Variants in GPC6 observed in about 807,000 individuals in gnomAD.
The protein encoded by GPC6 is glypican 6.
In GPC6, 14 loss-of-function variants were observed where a neutral mutation model predicts 55.2. The ratio of observed to expected loss-of-function variants is 0.25; its 90% CI spans 0.17 to 0.40. The LOEUF (loss-of-function observed/expected upper bound fraction) is 0.40. Ranked by LOEUF, GPC6 falls within the 10% of genes least tolerant of loss-of-function variation. The pLI, the probability that GPC6 is intolerant of heterozygous loss-of-function variation, is 1.00. For missense variants in GPC6, 641 were observed against 708.5 expected, an observed-to-expected ratio of 0.90 and a Z score of 1.08; for synonymous variants, 278 against 259.6, an observed-to-expected ratio of 1.07 and a Z score of -0.68.
At chr13:94,179,078 C>T (rs761689247) in intron 4 of GPC6, among the ~76,000 whole-genome samples, 1 of 152,124 alleles carries the variant, frequency 6.6e-6, no homozygotes, top group African/African-American at 2.4e-5. Context: ...TGGCTCAGAT[C>T]GTCTCGTTTC....
chr13:93,908,658 C>T (rs1594578680), intron 3 of GPC6, among the ~76,000 whole-genome samples: 1 of 152,128 alleles, frequency 6.6e-6, no homozygotes, highest in Non-Finnish European at 1.5e-5. Context: ...TTTGACTTAC[C>T]TAACTCATTT....
At chr13:93,676,170 C>T (rs9524166) in intron 2 of GPC6, among the ~76,000 whole-genome samples, 41 of 95,612 alleles carry the variant, frequency 4.3e-4, no homozygotes, top group African/African-American at 1.7e-3. Flanking sequence ...TATATATATA[C>T]ATACACACAC....
chr13:94,234,787 T>C (rs1890828902), intron 4 of GPC6, among the ~76,000 whole-genome samples: 1 of 152,140 alleles, frequency 6.6e-6, no homozygotes, highest in Non-Finnish European at 1.5e-5. Flanking sequence ...AAAAGCTGTG[T>C]GTTTTAAAAG....
At chr13:93,766,989 T>C (rs956377059) in intron 2 of GPC6, among the ~76,000 whole-genome samples, 24 of 151,922 alleles carry the variant, frequency 1.6e-4, no homozygotes, top group Non-Finnish European at 1.2e-4. Flanking sequence ...TTTTTTTTTT[T>C]CCCCCGCGGT....
chr13:94,006,922 A>G (rs1882042791), intron 3 of GPC6, among the ~76,000 whole-genome samples: 1 of 152,222 alleles, frequency 6.6e-6, no homozygotes, highest in African/African-American at 2.4e-5. Flanking sequence ...TTATGTTGGC[A>G]TGAGAAATTT....
intron 4 of GPC6, among the ~76,000 whole-genome samples, chr13:94,116,594 T>C (rs1438267202): frequency 1.3e-5 from 2 of 152,120 alleles, no homozygotes; most frequent in African/African-American, 2.4e-5. Flanking sequence ...CTTACAATAA[T>C]TGATCATTTC....
At chr13:93,783,110 A>G (rs1168353672) in intron 2 of GPC6, among the ~76,000 whole-genome samples, 1 of 152,144 alleles carries the variant, frequency 6.6e-6, no homozygotes, top group Non-Finnish European at 1.5e-5. Context: ...GCTGAGGTTA[A>G]TGGCTTCCGG....
At chr13:93,275,866 A>G (rs977126140) in intron 1 of GPC6, among the ~76,000 whole-genome samples, 12 of 151,926 alleles carry the variant, frequency 7.9e-5, no homozygotes, top group Non-Finnish European at 1.5e-5. Context: ...CCATAACAGG[A>G]TAATTTTTTT....
At chr13:93,536,562 G>C (rs900689832) in intron 1 of GPC6, among the ~76,000 whole-genome samples, 14 of 152,078 alleles carry the variant, frequency 9.2e-5, no homozygotes, top group African/African-American at 3.4e-4. Context: ...GCACTGCATT[G>C]CTTTTTATGG....
intron 2 of GPC6, among the ~76,000 whole-genome samples, chr13:93,660,698 T>A (rs1012144042): frequency 8.5e-5 from 13 of 152,202 alleles, no homozygotes; most frequent in Non-Finnish European, 1.8e-4. Flanking sequence ...AGATTTGGGC[T>A]GAGGGTGAGA....
intron 4 of GPC6, among the ~76,000 whole-genome samples, chr13:94,208,261 C>T (rs993565413): frequency 6.6e-6 from 1 of 152,118 alleles, no homozygotes; most frequent in Non-Finnish European, 1.5e-5. Context: ...GGGTAAAGCA[C>T]CTAGTGGCTT....
intron 4 of GPC6, among the ~76,000 whole-genome samples, chr13:94,227,325 T>C (rs75638573): frequency 0.017 from 2,525 of 152,260 alleles, 39 homozygotes; most frequent in Non-Finnish European, 0.028. Flanking sequence ...TATGTAAACC[T>C]TACTTCACGT....
chr13:93,939,256 A>C (rs2140361223), intron 3 of GPC6, among the ~76,000 whole-genome samples: 1 of 151,466 alleles, frequency 6.6e-6, no homozygotes, highest in Admixed American at 6.6e-5. Context: ...ATTCTTCTTT[A>C]ATGTTTTGAG....
At chr13:93,710,663 G>C (rs1175514333) in intron 2 of GPC6, among the ~76,000 whole-genome samples, 1 of 150,346 alleles carries the variant, frequency 6.7e-6, no homozygotes, top group Non-Finnish European at 1.5e-5. Context: ...TTTTTGCCTT[G>C]TGTAAATTAA....
At chr13:94,273,262 T>C (rs1892101525) in intron 4 of GPC6, among the ~76,000 whole-genome samples, 1 of 152,128 alleles carries the variant, frequency 6.6e-6, no homozygotes, top group African/African-American at 2.4e-5. Flanking sequence ...GCACATCTTA[T>C]GATCATGCCT....
At chr13:93,225,456 G>T (rs888583309), upstream of GPC6, among the ~76,000 whole-genome samples, 1 of 151,844 alleles carries the variant, frequency 6.6e-6, no homozygotes, top group Admixed American at 6.6e-5. Flanking sequence ...AGTTAAGTGT[G>T]TTGCGTTTTC....
At chr13:93,937,619 C>T (rs1214169999) in intron 3 of GPC6, among the ~76,000 whole-genome samples, 2 of 152,052 alleles carry the variant, frequency 1.3e-5, no homozygotes, top group Non-Finnish European at 2.9e-5. Context: ...CGCTCTGTTG[C>T]CCAGGCTGGA....
At chr13:94,129,465 A>C (rs1886937553) in intron 4 of GPC6, among the ~76,000 whole-genome samples, 1 of 152,100 alleles carries the variant, frequency 6.6e-6, no homozygotes, top group Non-Finnish European at 1.5e-5. Context: ...TTTCCTTTCC[A>C]AGTCTCCAGC....
At chr13:94,380,304 G>C (rs1277215389) in intron 6 of GPC6, among the ~76,000 whole-genome samples, 1 of 152,128 alleles carries the variant, frequency 6.6e-6, no homozygotes, top group Non-Finnish European at 1.5e-5. Flanking sequence ...CTTTCTCTGA[G>C]GATTGTTTTG....
Sources: gnomAD v4.1 joint callset for allele counts (sites outside exome capture counted in the v4.1 genomes callset) on GRCh38, gnomAD v4.1.1 for gene constraint, MANE v1.5 for transcripts, NCBI Gene and HGNC (gene_info 2026-07-23, HGNC 2026-07-21) for gene names.